Variants in PPP1R9B observed in about 807,000 individuals in gnomAD.
PPP1R9B encodes protein phosphatase 1 regulatory subunit 9B.
A neutral mutation model predicts 75.8 loss-of-function variants in PPP1R9B; 17 were observed. The observed-to-expected ratio is 0.22, with a 90% CI of 0.15 to 0.34. PPP1R9B has a LOEUF of 0.34. Ranked by LOEUF, PPP1R9B falls within the 10% of genes least tolerant of loss-of-function variation. The probability of loss-of-function intolerance (pLI) is 1.00; values close to 1 mark genes in which losing one functional copy is unlikely to be tolerated. For missense variants in PPP1R9B, 875 were observed against 1,196.0 expected, an observed-to-expected ratio of 0.73 and a Z score of 3.96; for synonymous variants, 509 against 535.4, an observed-to-expected ratio of 0.95 and a Z score of 0.68.
Position 50,136,143 on chromosome 17 carries a change from C to A in PPP1R9B, c.2128G>T (p.Glu710Ter). The A allele has an allele frequency of 6.2e-7, 1 of 1,605,860 alleles. No individual in the cohort carries two copies. Among genetic ancestry groups the A allele is most frequent in the Non-Finnish European group, 8.5e-7 (1 of 1,179,822 alleles). The stretch of plus-strand genomic sequence containing the variant: ...TCCTTGTTCTCCTCCACACTCTGCT[C>A]CAACTGCGCCTTCTCCACCCGCCAG... ...GRWRVEKAQL[E>*]QSVEENKERM... The change falls in exon 8 of 10, where the codon GAG becomes TAG. Residue 710 changes from glutamate (E) to a stop codon, truncating the protein, a stop_gained. Coordinates refer to ENST00000612501, the MANE Select transcript of PPP1R9B (RefSeq NM_032595.5). LOFTEE classifies it high-confidence loss of function.
In PPP1R9B at chr17:50,140,028, G is replaced by A. The variant is rs995829849; in HGVS notation, c.1866+65C>T. 4 of 1,560,826 alleles carry A rather than the reference G, an allele frequency of 2.6e-6. No individual in the cohort carries two copies. In the African/African-American group the frequency reaches 5.4e-5, roughly 21 times the overall value. On this transcript the variant is annotated intron_variant, in intron 5 of 9. Coordinates refer to ENST00000612501, the MANE Select transcript of PPP1R9B (RefSeq NM_032595.5). ...GGCAGGGGAAGCAGTAGAGGCAGATGACTGTAATGCTTCATCTAGCCACCA... is the reference window on the plus strand; with the variant it reads ...GGCAGGGGAAGCAGTAGAGGCAGATAACTGTAATGCTTCATCTAGCCACCA...
chr17:50,143,519 C>T, intron 3 of PPP1R9B, 79 bp downstream of exon 3: 1 of 1,562,186 alleles, frequency 6.4e-7, no homozygotes, highest in African/African-American at 1.3e-5. Context: ...GCCCCACCCC[C>T]TGCTCAGTGG....
chr17:50,146,932 C>T (rs546083622), intron 1 of PPP1R9B, among the ~76,000 whole-genome samples: 20 of 152,300 alleles, frequency 1.3e-4, no homozygotes, highest in African/African-American at 4.3e-4. Flanking sequence ...ATTTGGCCCA[C>T]TTTGCACTGG....
In PPP1R9B at chr17:50,139,575, C is replaced by T. The variant is rs1912316512; in HGVS notation, c.1873G>A (p.Glu625Lys). Residue 625 changes from glutamate (E) to lysine (K), a missense_variant, in exon 6 of 10, where the codon GAG becomes AAG. Glu to Lys is a moderately conservative substitution (Grantham distance 56). Transcript: ENST00000612501. The surrounding 1 kb of genome is among the most constrained non-coding windows in gnomAD (Gnocchi z 5.0). The stretch of plus-strand genomic sequence containing the variant: ...TCCTCATCCTCGTCAGTGGCATACT[C>T]TCCCGTCTGCGAAGGGAGACCGGAG... ...QYGEDDEETG[E>K]YATDEDEELS... 2 of 1,549,628 alleles carry T rather than the reference C, an allele frequency of 1.3e-6. No homozygotes were observed. Among genetic ancestry groups the T allele is most frequent in the African/African-American group, 2.7e-5 (2 of 73,090 alleles).
Position 50,145,204 on chromosome 17 carries a change from G to T in PPP1R9B, c.1413C>A (p.Asn471Lys). The change falls in exon 2 of 10, where the codon AAC becomes AAA. Residue 471 changes from asparagine to lysine, a missense_variant. Transcript: ENST00000612501. ...TYSNEDYDRR[N>K]EDVDPMAASA... ...AGGCTGCCATGGGATCCACATCCTC[G>T]TTGCGACGATCGTAATCCTCGTTGG... 1 of 1,613,948 alleles carries T rather than the reference G, an allele frequency of 6.2e-7. No homozygotes were observed. Among genetic ancestry groups the T allele is most frequent in the Non-Finnish European group, 8.5e-7 (1 of 1,179,886 alleles).
intron 2 of PPP1R9B, among the ~76,000 whole-genome samples, chr17:50,144,734 G>A (rs536535349): frequency 2.0e-5 from 3 of 152,210 alleles, no homozygotes; most frequent in South Asian, 2.1e-4. Flanking sequence ...CTATTCCAGC[G>A]CCTAAGGGTG....
In PPP1R9B at chr17:50,140,000, T is replaced by TA; in HGVS notation, c.1866+92dup. On this transcript the variant is annotated intron_variant, in intron 5 of 9. Transcript: ENST00000612501. The surrounding 1 kb of genome is among the most constrained non-coding windows in gnomAD (Gnocchi z 5.0). Reference sequence around the variant, plus strand: ...GGGAATGGCACTGTGGGCTTTTTACTAGGGCAGGGGAAGCAGTAGAGGCAG... The same window carrying TA: ...GGGAATGGCACTGTGGGCTTTTTACTAAGGGCAGGGGAAGCAGTAGAGGCAG... The TA allele has an allele frequency of 7.1e-7, 1 of 1,402,136 alleles. No individual in the cohort carries two copies. The highest frequency in any genetic ancestry group is 1.4e-5 in the South Asian group (1 of 73,306). 86.9% of individuals were successfully genotyped at this position (1,402,136 alleles called of 1,614,324 possible).
intron 3 of PPP1R9B, 22 bp downstream of exon 3, chr17:50,143,576 C>T (rs368074788): frequency 2.1e-5 from 34 of 1,613,378 alleles, no homozygotes; most frequent in East Asian, 4.5e-5. Context: ...AAGGGTCAGG[C>T]GAGACTGGGG....
At position 50,135,992 on chromosome 17, in the gene PPP1R9B, C is replaced by T. The variant is rs1177214707; in HGVS notation, c.2279G>A (p.Arg760His). ...CTTCTGCTGGTAGTCCTTGATGAGG[C>T]GCTTGGCCTTGCTGTACTTGCGCTC... ...ALERKYSKAK[R>H]LIKDYQQKEI... The change falls in exon 8 of 10, where the codon CGC (arginine) becomes CAC (histidine). Residue 760 changes from arginine (R) to histidine (H), a missense_variant. Physicochemically the swap from Arg to His is conservative, Grantham distance 29. Coordinates refer to ENST00000612501, the MANE Select transcript of PPP1R9B (RefSeq NM_032595.5). 1.3e-6 allele frequency: 2 copies of T among 1,582,548 alleles called. No homozygotes were observed. The highest frequency in any genetic ancestry group is 1.8e-5 in the Admixed American group (1 of 54,868).
intron 7 of PPP1R9B, 135 bp from the exon 8 acceptor site, chr17:50,136,332 C>T (rs1462449184): frequency 1.4e-6 from 1 of 697,586 alleles, no homozygotes; most frequent in African/African-American, 1.8e-5. Context: ...ACTACTAACC[C>T]TCTTTGGCTG....
chr17:50,139,252 C>G lies in PPP1R9B; in HGVS notation c.2073+11G>C. The G allele has an allele frequency of 6.2e-7, 1 of 1,614,046 alleles. No homozygotes were observed. Among genetic ancestry groups the G allele is most frequent in the Non-Finnish European group, 8.5e-7 (1 of 1,179,874 alleles). On this transcript the variant is annotated intron_variant, in intron 7 of 9. Transcript: ENST00000612501. This position sits in a 1 kb window ranked among gnomAD's most constrained non-coding sequence, Gnocchi z 5.0. The stretch of plus-strand genomic sequence containing the variant: ...GCACGCACGCAAAAGCACACACATA[C>G]GCACCCTTACCTTTCTTTTCAGCTG...
rs1246585569 is a variant in PPP1R9B, at chr17:50,142,373, C to A, written c.1626-1000G>T. On this transcript the variant is annotated intron_variant, in intron 3 of 9. Transcript: ENST00000612501. This position sits in a 1 kb window ranked among gnomAD's most constrained non-coding sequence, Gnocchi z 4.1. ...GTGGGCATGAGTGAGTGGCCACGGC[C>A]ACCATGCACACTCACTCCTTAGACA... Among the ~76,000 whole-genome samples, 1 of 152,168 alleles carries A rather than the reference C, an allele frequency of 6.6e-6. No homozygotes were observed. Among genetic ancestry groups the A allele is most frequent in the African/African-American group, 2.4e-5 (1 of 41,434 alleles).
At chr17:50,144,015 G>C (rs1352641336) in intron 2 of PPP1R9B, among the ~76,000 whole-genome samples, 1 of 151,906 alleles carries the variant, frequency 6.6e-6, no homozygotes, top group East Asian at 1.9e-4. Context: ...TGGCCAGGAT[G>C]GGGGTAGCCA....
In PPP1R9B at chr17:50,141,382, G is replaced by A. The variant is rs1201301975; in HGVS notation, c.1626-9C>T. The A allele has an allele frequency of 6.4e-7, 1 of 1,560,302 alleles. No individual in the cohort carries two copies. Among genetic ancestry groups the A allele is most frequent in the Admixed American group, 1.9e-5 (1 of 53,844 alleles). ...GATCATTCACCTGGATCCTAGCGGAGTGACATTGGTTAAGGGGTCACAGGG... is the reference window on the plus strand; with the variant it reads ...GATCATTCACCTGGATCCTAGCGGAATGACATTGGTTAAGGGGTCACAGGG... On this transcript the variant is annotated splice_polypyrimidine_tract_variant and intron_variant, in intron 3 of 9. Coordinates refer to ENST00000612501, the MANE Select transcript of PPP1R9B (RefSeq NM_032595.5).
Position 50,150,104 on chromosome 17 carries a change from G to C in PPP1R9B, c.410C>G (p.Pro137Arg), listed in dbSNP as rs773611704. Residue 137 changes from proline to arginine, a missense_variant, in exon 1 of 10, where the codon CCG becomes CGG. Physicochemically the swap from Pro to Arg is moderately radical, Grantham distance 103. Around this residue, in one of 4 missense-constraint regions of PPP1R9B, gnomAD observed 449 missense variants for 475.0 expected, o/e 0.95. Coordinates refer to ENST00000612501, the MANE Select transcript of PPP1R9B (RefSeq NM_032595.5). This position sits in a 1 kb window ranked among gnomAD's most constrained non-coding sequence, Gnocchi z 8.7. ...CTGCAGCCGGGACGGCGGGTGCGGC[G>C]GCGGCGCAGGCTGCGCGGAGGGCGC... ...KPAPSAQPAP[P>R]PHPPSRLQET... The C allele has an allele frequency of 9.3e-6, 13 of 1,397,868 alleles. No homozygotes were observed. The highest frequency in any genetic ancestry group is 1.2e-5 in the Non-Finnish European group (13 of 1,081,490). 86.6% of individuals were successfully genotyped at this position (1,397,868 alleles called of 1,614,324 possible).
intron 7 of PPP1R9B, among the ~76,000 whole-genome samples, chr17:50,137,747 G>A (rs974372743): frequency 6.6e-6 from 1 of 152,296 alleles, no homozygotes; most frequent in Admixed American, 6.5e-5. Flanking sequence ...TAGAGGGGAG[G>A]CAGGATACTG....
rs1912212113 is a variant in PPP1R9B at position 50,135,786 on chromosome 17, A to G, written c.2304-137T>C. The G allele has an allele frequency of 1.7e-5, 16 of 921,046 alleles. No homozygotes were observed. In the South Asian group the frequency reaches 2.5e-4, roughly 15 times the overall value. The allele number at this position is 921,046 out of a possible 1,614,324, so 57.1% of individuals were successfully genotyped here. ...GGTCAGGAGGCCCCAGGTTTTCCCA[A>G]AGCCTCTGGGGGTCTGGCTCTGTGC... On this transcript the variant is annotated intron_variant, in intron 8 of 9. Coordinates refer to ENST00000612501, the MANE Select transcript of PPP1R9B (RefSeq NM_032595.5).
In PPP1R9B at chr17:50,147,993, G is replaced by C. The variant is rs113400154; in HGVS notation, c.1371+1150C>G. ...AAGGCAGGGCAGGGTCCAGGCCAAG[G>C]AGAGTCCAGGGACCTGGACACTTCC... On this transcript the variant is annotated intron_variant, in intron 1 of 9. Transcript: ENST00000612501. Among the ~76,000 whole-genome samples, 596 of 152,300 alleles carry C rather than the reference G, an allele frequency of 3.9e-3. 6 individuals carry two copies. Among genetic ancestry groups the C allele is most frequent in the African/African-American group, 0.014 (573 of 41,564 alleles).
Position 50,149,164 on chromosome 17 carries a change from A to C in PPP1R9B, c.1350T>G (p.His450Gln). The C allele has an allele frequency of 9.1e-6, 14 of 1,531,004 alleles. No individual in the cohort carries two copies. Among genetic ancestry groups the C allele is most frequent in the Non-Finnish European group, 1.1e-5 (13 of 1,137,600 alleles). 94.8% of individuals were successfully genotyped at this position (1,531,004 alleles called of 1,614,324 possible). ...EEDPAPSRKI[H>Q]FSTAPIQVFS... ...TTACTTGGATGGGCGCCGTGCTGAA[A>C]TGGATCTTCCGGCTCGGGGCTGGGT... Residue 450 changes from histidine (H) to glutamine (Q), a missense_variant, in exon 1 of 10, where the codon CAT becomes CAG. Transcript: ENST00000612501. This position sits in a 1 kb window ranked among gnomAD's most constrained non-coding sequence, Gnocchi z 7.2.
Sources: allele counts gnomAD v4.1 joint callset (sites outside exome capture counted in the v4.1 genomes callset), GRCh38; gene constraint gnomAD v4.1.1; regional missense constraint gnomAD v4.1.1; non-coding constraint Gnocchi (gnomAD v3.1); transcripts MANE v1.5; gene names NCBI Gene and HGNC (gene_info 2026-07-23, HGNC 2026-07-21).